PLXNA4: variants seen among roughly 807,000 people sequenced by gnomAD.
The protein encoded by PLXNA4 is plexin A4, also known as plexin-A4.
A neutral mutation model predicts 191.8 loss-of-function variants in PLXNA4; 44 were observed. That is an observed-to-expected ratio of 0.23 (90% confidence interval 0.18 to 0.29). The LOEUF is 0.29. Among genes scored for constraint, PLXNA4 ranks in the 10% least tolerant of loss-of-function variants. The pLI is 1.00. For missense variants in PLXNA4, 1,800 were observed against 2,488.8 expected (o/e 0.72, Z 5.89); for synonymous variants, 1,082 against 1,009.5 (o/e 1.07, Z -1.36).
intron 3 of PLXNA4, among the ~76,000 whole-genome samples, chr7:132,422,884 G>A (rs1794897850): frequency 2.0e-5 from 3 of 152,290 alleles, no homozygotes; most frequent in Admixed American, 2.0e-4. Context: ...CAAACGTGCT[G>A]GCCTAGCACC....
At chr7:132,187,036 G>A (rs1480064492) in intron 15 of PLXNA4, among the ~76,000 whole-genome samples, 1 of 152,124 alleles carries the variant, frequency 6.6e-6, no homozygotes, top group African/African-American at 2.4e-5. Context: ...TGATTGACCA[G>A]CTGGTACCAC....
chr7:132,367,566 A>G (rs1012385801), intron 3 of PLXNA4: 3 of 152,362 alleles, frequency 2.0e-5, no homozygotes, highest in African/African-American at 7.2e-5. Flanking sequence ...GATGAACGCA[A>G]CACACAGGAA....
intron 29 of PLXNA4, among the ~76,000 whole-genome samples, chr7:132,144,649 C>G (rs760813708): frequency 6.6e-6 from 1 of 152,150 alleles, no homozygotes; most frequent in Admixed American, 6.5e-5. Flanking sequence ...TGGTTGCACA[C>G]GACACATCCT....
chr7:132,302,450 A>G (rs1250523222), intron 3 of PLXNA4, among the ~76,000 whole-genome samples: 1 of 152,140 alleles, frequency 6.6e-6, no homozygotes, highest in African/African-American at 2.4e-5. Context: ...TACTGAATAA[A>G]TGTAAAACAA....
chr7:132,146,442 T>TGG, intron 28 of PLXNA4, 68 bp downstream of exon 28: 1 of 1,613,672 alleles, frequency 6.2e-7, no homozygotes. Flanking sequence ...CTCTGGCATT[T>TGG]CTGTGGGCTG....
intron 3 of PLXNA4, among the ~76,000 whole-genome samples, chr7:132,458,776 T>A (rs1796396535): frequency 6.6e-6 from 1 of 152,050 alleles, no homozygotes; most frequent in African/African-American, 2.4e-5. Context: ...ACTTAGGACA[T>A]ACGCACATTC....
chr7:132,175,540 A>C (rs1476620841), intron 20 of PLXNA4, among the ~76,000 whole-genome samples: 1 of 152,180 alleles, frequency 6.6e-6, no homozygotes, highest in Non-Finnish European at 1.5e-5. Flanking sequence ...CCTCAAGGTG[A>C]TGCTACTTGA....
chr7:132,639,574 T>C (rs1331232392), intron 2 of PLXNA4, among the ~76,000 whole-genome samples: 1 of 152,146 alleles, frequency 6.6e-6, no homozygotes, highest in Non-Finnish European at 1.5e-5. Context: ...AAAAAGAACA[T>C]TTATCTTTCC....
rs545194096 is a variant in PLXNA4, at chr7:132,599,182, C to T, written c.-87+46746G>A. Reference sequence around the variant, plus strand: ...GTCTTAAAGTCTGGAAGGGTAGGTCCCCCTACTCACTCCTCCTATGATCTT... The same window carrying T: ...GTCTTAAAGTCTGGAAGGGTAGGTCTCCCTACTCACTCCTCCTATGATCTT... On this transcript the variant is annotated intron_variant, in intron 2 of 4. Transcript: ENST00000378539. Among the ~76,000 whole-genome samples the T allele has an allele frequency of 4.4e-4, 67 of 152,162 alleles. 1 individual carries two copies. Among genetic ancestry groups the T allele is most frequent in the Middle Eastern group, 6.8e-3 (2 of 294 alleles).
At chr7:132,515,018 AC>A (rs1248901920) in intron 1 of PLXNA4, among the ~76,000 whole-genome samples, 1 of 152,148 alleles carries the variant, frequency 6.6e-6, no homozygotes, top group African/African-American at 2.4e-5. Flanking sequence ...AGCCTGAGCC[AC>A]TCAGCACAGA....
At chr7:132,648,007 A>G (rs916928118) in intron 1 of PLXNA4, among the ~76,000 whole-genome samples, 1 of 150,454 alleles carries the variant, frequency 6.6e-6, no homozygotes, top group African/African-American at 2.4e-5. Context: ...TCATATACCC[A>G]CAAACACACA....
intron 3 of PLXNA4, among the ~76,000 whole-genome samples, chr7:132,331,202 A>C (rs1346030639): frequency 6.6e-6 from 1 of 152,230 alleles, no homozygotes; most frequent in Non-Finnish European, 1.5e-5. Context: ...CAGGAGGCAG[A>C]GATACATTCC....
At chr7:132,163,577 A>G (rs1050674696) in intron 24 of PLXNA4, among the ~76,000 whole-genome samples, 1 of 152,142 alleles carries the variant, frequency 6.6e-6, no homozygotes, top group Non-Finnish European at 1.5e-5. Flanking sequence ...CTCCTAGGGT[A>G]GCTGTTTTTG....
rs763295724 is a variant in PLXNA4 at position 132,226,089 on chromosome 7, G to A, written c.1982+72C>T. 17 of 1,402,904 alleles carry A rather than the reference G, an allele frequency of 1.2e-5. No homozygotes were observed. The African/African-American group carries it at 1.4e-4, about 12-fold the overall frequency. 86.9% of individuals were successfully genotyped at this position (1,402,904 alleles called of 1,614,324 possible). A position where few individuals can be genotyped will look rare whatever the true frequency, so the allele number is the denominator to read the frequency against. On this transcript the variant is annotated intron_variant, in intron 8 of 31. Transcript: ENST00000321063. ...TAAATGGTGACTCCCTGGGAATAGT[G>A]ATGGGGTTTTCTGATCTTTGGATGA...
chr7:132,438,227 A>G (rs894511722), intron 3 of PLXNA4, among the ~76,000 whole-genome samples: 10 of 152,228 alleles, frequency 6.6e-5, no homozygotes, highest in African/African-American at 2.4e-4. Context: ...GCTTTAGAGT[A>G]TATGACCACT....
intron 2 of PLXNA4, among the ~76,000 whole-genome samples, chr7:132,633,026 G>A (rs1026453295): frequency 2.6e-5 from 4 of 152,108 alleles, no homozygotes; most frequent in African/African-American, 9.7e-5. Flanking sequence ...GCGAAAACCT[G>A]TGTCTGCTCC....
chr7:132,386,355 C>A (rs570970657), intron 3 of PLXNA4, among the ~76,000 whole-genome samples: 3 of 152,188 alleles, frequency 2.0e-5, no homozygotes, highest in Non-Finnish European at 4.4e-5. Context: ...GCCAAATGAC[C>A]GCTGGTCAAA....
chr7:132,583,388 T>C (rs561446798), intron 2 of PLXNA4, among the ~76,000 whole-genome samples: 2 of 152,070 alleles, frequency 1.3e-5, no homozygotes, highest in South Asian at 4.1e-4. Context: ...GAGATGTGAT[T>C]GAAAGCTGAT....
At chr7:132,231,802 C>T (rs1409444107) in intron 5 of PLXNA4, among the ~76,000 whole-genome samples, 2 of 152,180 alleles carry the variant, frequency 1.3e-5, no homozygotes, top group Non-Finnish European at 2.9e-5. Context: ...CAGCAGTTTT[C>T]CTCCTAATAA....
Sources: gnomAD v4.1 joint callset for allele counts (sites outside exome capture counted in the v4.1 genomes callset) on GRCh38, gnomAD v4.1.1 for gene constraint, MANE v1.5 for transcripts, NCBI Gene and HGNC (gene_info 2026-07-23, HGNC 2026-07-21) for gene names.